The following PDLIM5 variants were observed in gnomAD, a reference collection of about 807,000 sequenced individuals.
PDLIM5 encodes PDZ and LIM domain 5, also known as PDZ and LIM domain protein 5.
In PDLIM5, 34 loss-of-function variants were observed where a neutral mutation model predicts 64.2. The observed-to-expected ratio is 0.53, with a 90% confidence interval of 0.40 to 0.71. PDLIM5 has a LOEUF of 0.71. PDLIM5 is among the 30% of genes least tolerant of loss of function. The pLI, the probability that PDLIM5 is intolerant of heterozygous loss-of-function variation, is 0.00. For synonymous variants in PDLIM5, 253 were observed against 269.1 expected (o/e 0.94, Z 0.59); for missense variants, 683 against 733.6 (o/e 0.93, Z 0.80).
intron 2 of PDLIM5, among the ~76,000 whole-genome samples, chr4:94,515,667 T>C (rs1729298790): frequency 6.6e-6 from 1 of 152,234 alleles, no homozygotes; most frequent in Admixed American, 6.5e-5. Flanking sequence ...CAATGGAATA[T>C]ACATGCATGC....
At chr4:94,630,655 G>A (rs1273328463) in intron 8 of PDLIM5, among the ~76,000 whole-genome samples, 4 of 152,084 alleles carry the variant, frequency 2.6e-5, no homozygotes, top group Middle Eastern at 3.4e-3. Context: ...GATAATAGGC[G>A]TGAGCTACTG....
chr4:94,572,424 ACCT>A (rs370129834), intron 3 of PDLIM5, among the ~76,000 whole-genome samples: 5 of 152,298 alleles, frequency 3.3e-5, no homozygotes, highest in African/African-American at 1.2e-4. Flanking sequence ...TAAGCAATTT[ACCT>A]ACACTTCTTT....
At chr4:94,578,561 G>A (rs941304477) in intron 5 of PDLIM5, among the ~76,000 whole-genome samples, 5 of 152,064 alleles carry the variant, frequency 3.3e-5, no homozygotes, top group African/African-American at 1.2e-4. Context: ...GAGACACATT[G>A]GTAGCGCCCT....
At chr4:94,587,114 C>T in intron 7 of PDLIM5, 1 of 1,571,052 alleles carries the variant, frequency 6.4e-7, no homozygotes, top group Non-Finnish European at 8.6e-7. Flanking sequence ...GCAGCCAGCA[C>T]ATACCTTTTC....
At chr4:94,467,939 T>C (rs1217312000) in intron 2 of PDLIM5, among the ~76,000 whole-genome samples, 1 of 152,256 alleles carries the variant, frequency 6.6e-6, no homozygotes, top group Non-Finnish European at 1.5e-5. Context: ...AGCTTCCCTA[T>C]CTTCACATCC....
chr4:94,660,207 T>C (rs1050607799), intron 11 of PDLIM5, among the ~76,000 whole-genome samples: 1 of 152,138 alleles, frequency 6.6e-6, no homozygotes, highest in Non-Finnish European at 1.5e-5. Context: ...CAAATTACAC[T>C]TTTGAAGGCC....
intron 2 of PDLIM5, among the ~76,000 whole-genome samples, chr4:94,501,872 T>G (rs1285213435): frequency 6.6e-6 from 1 of 152,128 alleles, no homozygotes; most frequent in East Asian, 1.9e-4. Flanking sequence ...GTGATACCCA[T>G]CAGGGATGGG....
intron 2 of PDLIM5, among the ~76,000 whole-genome samples, chr4:94,506,513 C>A (rs1728412082): frequency 6.6e-6 from 1 of 152,154 alleles, no homozygotes; most frequent in African/African-American, 2.4e-5. Context: ...GGCAAAGAGG[C>A]TAACAAGCTT....
intron 3 of PDLIM5, among the ~76,000 whole-genome samples, chr4:94,564,066 C>T (rs1365727906): frequency 6.6e-6 from 1 of 150,680 alleles, no homozygotes. Context: ...CAGGTTCAAG[C>T]GATTCTCCTG....
At chr4:94,464,839 A>G (rs1481699967) in intron 2 of PDLIM5, among the ~76,000 whole-genome samples, 4 of 152,186 alleles carry the variant, frequency 2.6e-5, no homozygotes. Context: ...ATTCTTTGCT[A>G]TTTTAGCAGA....
chr4:94,494,224 T>G (rs1727129367), intron 2 of PDLIM5, among the ~76,000 whole-genome samples: 1 of 152,000 alleles, frequency 6.6e-6, no homozygotes, highest in African/African-American at 2.4e-5. Context: ...CATTTCAGCC[T>G]CCCAAAGTGT....
At chr4:94,528,473 T>C (rs1730571600) in intron 3 of PDLIM5, among the ~76,000 whole-genome samples, 1 of 152,228 alleles carries the variant, frequency 6.6e-6, no homozygotes, top group African/African-American at 2.4e-5. Context: ...TAGTCGTGGT[T>C]CTCCAAGAAG....
intron 2 of PDLIM5, among the ~76,000 whole-genome samples, chr4:94,508,344 T>C (rs539129205): frequency 5.3e-5 from 8 of 152,182 alleles, no homozygotes; most frequent in Non-Finnish European, 1.2e-4. Flanking sequence ...CTTAGGATTG[T>C]GAAAAAAGGT....
intron 6 of PDLIM5, 104 bp downstream of exon 6, chr4:94,585,841 G>C: frequency 1.2e-6 from 1 of 857,690 alleles, no homozygotes; most frequent in Non-Finnish European, 1.9e-6. Context: ...GAGACAGTTT[G>C]CTTTTAAATT....
At chr4:94,460,879 G>T (rs2126079264) in intron 2 of PDLIM5, among the ~76,000 whole-genome samples, 1 of 152,276 alleles carries the variant, frequency 6.6e-6, no homozygotes, top group East Asian at 1.9e-4. Flanking sequence ...AAGTATACAG[G>T]TAGATTTGAT....
intron 2 of PDLIM5, among the ~76,000 whole-genome samples, chr4:94,509,742 A>G (rs1177073868): frequency 6.6e-6 from 1 of 152,208 alleles, no homozygotes; most frequent in Non-Finnish European, 1.5e-5. Flanking sequence ...GGCAAGAAGA[A>G]TGCAGCACGG....
intron 3 of PDLIM5, among the ~76,000 whole-genome samples, chr4:94,561,440 A>G (rs1733834594): frequency 6.6e-6 from 1 of 152,228 alleles, no homozygotes; most frequent in Non-Finnish European, 1.5e-5. Flanking sequence ...GTTCTGGGAG[A>G]AACGGATCAT....
chr4:94,519,412 CAA>C (rs1337001482), intron 2 of PDLIM5, among the ~76,000 whole-genome samples: 4 of 152,280 alleles, frequency 2.6e-5, no homozygotes, highest in Non-Finnish European at 5.9e-5. Flanking sequence ...TCCTCATTTT[CAA>C]AGAGTGGAAG....
intron 7 of PDLIM5, chr4:94,608,267 T>C: frequency 1.1e-6 from 1 of 892,136 alleles, no homozygotes; most frequent in Non-Finnish European, 1.6e-6. Flanking sequence ...AAAATGATTG[T>C]TGATTACAGA....
Sources: gnomAD v4.1 joint callset for allele counts (sites outside exome capture counted in the v4.1 genomes callset) on GRCh38, gnomAD v4.1.1 for gene constraint, MANE v1.5 for transcripts, NCBI Gene and HGNC (gene_info 2026-07-23, HGNC 2026-07-21) for gene names.